The following ZNF610 variants were observed in gnomAD, a reference collection of about 807,000 sequenced individuals.
ZNF610 encodes zink finger protein.
ZNF610 carries 14 observed loss-of-function variants against 14.1 expected under a neutral mutation model. That is an observed-to-expected ratio of 0.99 (90% CI 0.65 to 1.55). The LOEUF is 1.55. Ranked by LOEUF, ZNF610 falls within the 40% of genes most tolerant of loss-of-function variation. ZNF610 has a pLI of 0.00. For synonymous variants in ZNF610, 185 were observed against 187.6 expected, an observed-to-expected ratio of 0.99 and a Z score of 0.11; for missense variants, 530 against 558.0, an observed-to-expected ratio of 0.95 and a Z score of 0.51.
intron 3 of ZNF610, among the ~76,000 whole-genome samples, chr19:52,352,722 A>G (rs950806597): frequency 5.9e-5 from 9 of 151,780 alleles, no homozygotes; most frequent in Non-Finnish European, 1.3e-4. Flanking sequence ...GTGCAGTGGT[A>G]ATTGGCTGCA....
intron 1 of ZNF610, among the ~76,000 whole-genome samples, chr19:52,337,166 A>T (rs1343873879): frequency 2.0e-5 from 3 of 150,836 alleles, no homozygotes; most frequent in Non-Finnish European, 3.0e-5. Context: ...AGAAAGGGGG[A>T]GGCTCCTCAG....
upstream of ZNF610, among the ~76,000 whole-genome samples, chr19:52,333,821 G>A (rs1244875779): frequency 1.3e-5 from 2 of 152,218 alleles, no homozygotes; most frequent in Admixed American, 1.3e-4. Flanking sequence ...TAAGTGTAGT[G>A]AAAAACTTAT....
intron 5 of ZNF610, among the ~76,000 whole-genome samples, chr19:52,361,347 T>A (rs568825866): frequency 6.6e-6 from 1 of 151,954 alleles, no homozygotes; most frequent in South Asian, 2.1e-4. Flanking sequence ...CCTGGCTAAT[T>A]TTTTGTATTT....
At chr19:52,364,114 G>C (rs529158479) in intron 5 of ZNF610, among the ~76,000 whole-genome samples, 1 of 152,144 alleles carries the variant, frequency 6.6e-6, no homozygotes, top group African/African-American at 2.4e-5. Context: ...ATTAGGTACC[G>C]AAAGCATTAC....
intron 5 of ZNF610, among the ~76,000 whole-genome samples, chr19:52,364,998 C>T (rs1985948127): frequency 6.6e-6 from 1 of 152,094 alleles, no homozygotes; most frequent in African/African-American, 2.4e-5. Flanking sequence ...GTAATCTCAA[C>T]ACTTTGGGAG....
At chr19:52,358,709 A>G (rs771331363) in intron 5 of ZNF610, among the ~76,000 whole-genome samples, 1 of 152,142 alleles carries the variant, frequency 6.6e-6, no homozygotes, top group African/African-American at 2.4e-5. Context: ...TCAGTGTTCT[A>G]TCCAGGGAAG....
At chr19:52,354,128 C>A in intron 4 of ZNF610, 123 bp from the exon 5 acceptor site, 2 of 1,358,212 alleles carry the variant, frequency 1.5e-6, no homozygotes, top group Non-Finnish European at 2.0e-6. Flanking sequence ...AGGAGCCAGT[C>A]TGTGGGTGAA....
rs969217913 is a variant in ZNF610, at chr19:52,347,848, C to T, written c.-116C>T. ...AAGTATTCGGTATTTATAAAATCTA[C>T]AGTAGTACACAGTTATGTCGTAGGC... On this transcript the variant is annotated 5_prime_UTR_variant, in exon 2 of 6. Transcript: ENST00000403906. The T allele has an allele frequency of 5.3e-5, 8 of 152,292 alleles. No homozygotes were observed. Among genetic ancestry groups the T allele is most frequent in the Middle Eastern group, 3.4e-3 (1 of 294 alleles). 9.4% of individuals were successfully genotyped at this position (152,292 alleles called of 1,614,324 possible).
intron 3 of ZNF610, among the ~76,000 whole-genome samples, chr19:52,349,940 T>C (rs1985170089): frequency 6.6e-6 from 1 of 152,156 alleles, no homozygotes; most frequent in Admixed American, 6.6e-5. Context: ...AGAAATCTTT[T>C]CTGTCTGATT....
intron 3 of ZNF610, among the ~76,000 whole-genome samples, chr19:52,351,199 G>A (rs1030167278): frequency 2.6e-5 from 4 of 152,146 alleles, no homozygotes; most frequent in Non-Finnish European, 4.4e-5. Flanking sequence ...GCTCACGCCT[G>A]TAATCCCAGC....
intron 3 of ZNF610, among the ~76,000 whole-genome samples, chr19:52,351,683 AT>A (rs1307529088): frequency 1.3e-5 from 2 of 152,134 alleles, no homozygotes; most frequent in Non-Finnish European, 2.9e-5. Flanking sequence ...GTGTGAGGCC[AT>A]AGGAAGCTGG....
intron 1 of ZNF610, among the ~76,000 whole-genome samples, chr19:52,342,749 A>T (rs1984747856): frequency 1.3e-5 from 2 of 150,494 alleles, no homozygotes; most frequent in East Asian, 2.0e-4. Flanking sequence ...CTGGTCTTGA[A>T]CTCCTGACCT....
chr19:52,366,167 T>C lies in ZNF610; in HGVS notation c.789T>C (p.Ser263=), dbSNP rs1174801037. 2 of 1,613,464 alleles carry C rather than the reference T, an allele frequency of 1.2e-6. No homozygotes were observed. The highest frequency in any genetic ancestry group is 3.3e-4 in the Middle Eastern group (2 of 6,058). ...CTGGACAGAAGCCTTACAAATGTAG[T>C]GAATGTGACAAGGTGTTTAATCGCA... is the stretch of plus-strand genomic sequence containing the variant. ...IHTGQKPYKC[S]ECDKVFNRNS... The change falls in exon 6 of 6, where the codon AGT becomes AGC. Residue 263 remains serine (S), a synonymous_variant. Transcript: ENST00000403906.
chr19:52,362,802 A>T (rs11667184), intron 5 of ZNF610, among the ~76,000 whole-genome samples: 29,496 of 152,030 alleles, frequency 0.19, 2,983 homozygotes, highest in East Asian at 0.26. Context: ...TGTTTAAAAG[A>T]TTGTTTTGTG....
chr19:52,350,085 CTG>C (rs1985177989), intron 3 of ZNF610, among the ~76,000 whole-genome samples: 1 of 152,152 alleles, frequency 6.6e-6, no homozygotes, highest in Non-Finnish European at 1.5e-5. Flanking sequence ...TGTACAGCAT[CTG>C]TGTTAGGTGA....
chr19:52,339,840 A>G (rs551004854), intron 1 of ZNF610, among the ~76,000 whole-genome samples: 2 of 152,146 alleles, frequency 1.3e-5, no homozygotes, highest in East Asian at 3.9e-4. Context: ...TGTATTTTTA[A>G]TAGAGATGGG....
At chr19:52,343,774 TA>T (rs1984800984) in intron 1 of ZNF610, among the ~76,000 whole-genome samples, 1 of 152,152 alleles carries the variant, frequency 6.6e-6, no homozygotes, top group Non-Finnish European at 1.5e-5. Context: ...CCTTGAAGGC[TA>T]ACGGTGTGAT....
chr19:52,351,167 G>A (rs1985231579), intron 3 of ZNF610, among the ~76,000 whole-genome samples: 2 of 151,320 alleles, frequency 1.3e-5, no homozygotes, highest in African/African-American at 4.9e-5. Context: ...TTAGAAATTA[G>A]TCACCTTGGC....
chr19:52,354,495 C>G, intron 5 of ZNF610, 116 bp downstream of exon 5: 1 of 1,195,040 alleles, frequency 8.4e-7, no homozygotes. Context: ...TCACTGCAGC[C>G]TCAAACTCCT....
Sources: allele counts gnomAD v4.1 joint callset (sites outside exome capture counted in the v4.1 genomes callset), GRCh38; gene constraint gnomAD v4.1.1; transcripts MANE v1.5; gene names NCBI Gene and HGNC (gene_info 2026-07-23, HGNC 2026-07-21).